PCED1B: variants seen among roughly 807,000 people sequenced by gnomAD.
PCED1B encodes the protein PC-esterase domain containing 1B.
For missense variants in PCED1B, 573 were observed against 573.9 expected (o/e 1.00, Z 0.02); for synonymous variants, 251 against 246.1 (o/e 1.02, Z -0.19).
intron 2 of PCED1B, among the ~76,000 whole-genome samples, chr12:47,169,715 C>G (rs1489324457): frequency 6.6e-6 from 1 of 151,936 alleles, no homozygotes; most frequent in South Asian, 2.1e-4. Flanking sequence ...TTTGGCCCAG[C>G]ATGGTGACTG....
chr12:47,126,607 A>G (rs1012124093), intron 2 of PCED1B, among the ~76,000 whole-genome samples: 2 of 152,174 alleles, frequency 1.3e-5, no homozygotes, highest in Non-Finnish European at 2.9e-5. Context: ...GGTCAGATTT[A>G]CCAAAGAAGC....
At chr12:47,233,350 C>T in intron 3 of PCED1B, among the ~76,000 whole-genome samples, 2 of 151,900 alleles carry the variant, frequency 1.3e-5, no homozygotes, top group Non-Finnish European at 2.9e-5. Flanking sequence ...ACCGTGGTAG[C>T]CAGAAAGGTC....
intron 1 of PCED1B, among the ~76,000 whole-genome samples, chr12:47,102,294 A>G (rs1179978574): frequency 6.6e-6 from 1 of 152,250 alleles, no homozygotes; most frequent in East Asian, 1.9e-4. Context: ...AAATGTAAAT[A>G]TATTTCAGAT....
Position 47,236,267 on chromosome 12 carries a change from A to T in PCED1B, c.1204A>T (p.Arg402Trp). The T allele has an allele frequency of 6.2e-7, 1 of 1,614,090 alleles. No individual in the cohort carries two copies. Among genetic ancestry groups the T allele is most frequent in the Non-Finnish European group, 8.5e-7 (1 of 1,180,006 alleles). ...PAPVVHRGFG[R>W]YRPRGPYTPW... ...CCCAGTGGTACATAGGGGTTTTGGC[A>T]GGTATCGTCCCCGTGGCCCCTATAC... Residue 402 changes from arginine (R) to tryptophan (W), a missense_variant, in exon 4 of 4, where the codon AGG (arginine) becomes TGG (tryptophan). Coordinates refer to ENST00000546455, the MANE Select transcript of PCED1B (RefSeq NM_138371.3).
chr12:47,198,832 T>G (rs1051736351), intron 2 of PCED1B, among the ~76,000 whole-genome samples: 1 of 151,846 alleles, frequency 6.6e-6, no homozygotes, highest in South Asian at 2.1e-4. Flanking sequence ...CAGACATGGT[T>G]GCACATGCCT....
chr12:47,112,021 C>A (rs1394020356), intron 2 of PCED1B, among the ~76,000 whole-genome samples: 5 of 152,124 alleles, frequency 3.3e-5, no homozygotes, highest in Non-Finnish European at 7.4e-5. Flanking sequence ...GAAAAGGCAG[C>A]CCACCTGACT....
At chr12:47,167,225 G>C (rs952899444) in intron 2 of PCED1B, among the ~76,000 whole-genome samples, 1 of 152,032 alleles carries the variant, frequency 6.6e-6, no homozygotes, top group African/African-American at 2.4e-5. Flanking sequence ...TGTTGGTCTC[G>C]ATGGCCTTTA....
At chr12:47,105,779 G>T (rs1367421055) in intron 2 of PCED1B, among the ~76,000 whole-genome samples, 1 of 152,100 alleles carries the variant, frequency 6.6e-6, no homozygotes, top group African/African-American at 2.4e-5. Context: ...GAAGGAAAAA[G>T]TTACAAGGAG....
intron 1 of PCED1B, among the ~76,000 whole-genome samples, chr12:47,103,870 C>T (rs912786554): frequency 2.0e-5 from 3 of 152,144 alleles, no homozygotes; most frequent in Non-Finnish European, 4.4e-5. Context: ...ATTTTTAGCA[C>T]GTTTATTTTC....
chr12:47,210,061 G>A (rs1264571770), intron 2 of PCED1B: 1 of 152,174 alleles, frequency 6.6e-6, no homozygotes, highest in African/African-American at 2.4e-5. Context: ...GGGGTAACCG[G>A]GTGGATATTG....
chr12:47,101,150 T>A (rs1185170793), intron 1 of PCED1B, among the ~76,000 whole-genome samples: 2 of 152,146 alleles, frequency 1.3e-5, no homozygotes, highest in Non-Finnish European at 2.9e-5. Flanking sequence ...CTTAAATATA[T>A]CACCTAGGAT....
chr12:47,093,026 C>T (rs1356371182), intron 1 of PCED1B, among the ~76,000 whole-genome samples: 1 of 151,846 alleles, frequency 6.6e-6, no homozygotes, highest in Non-Finnish European at 1.5e-5. Flanking sequence ...GAAAGCTCAC[C>T]TTCTCTTTCT....
intron 3 of PCED1B, among the ~76,000 whole-genome samples, chr12:47,231,117 T>A (rs1188654081): frequency 6.6e-6 from 1 of 152,176 alleles, no homozygotes; most frequent in African/African-American, 2.4e-5. Flanking sequence ...GAGGGGCCGA[T>A]GGATATCCTC....
intron 2 of PCED1B, among the ~76,000 whole-genome samples, chr12:47,197,384 A>G (rs2137688562): frequency 6.6e-6 from 1 of 151,702 alleles, no homozygotes; most frequent in East Asian, 1.9e-4. Context: ...AGGAAGGTGG[A>G]TCACCTGAGG....
intron 2 of PCED1B, among the ~76,000 whole-genome samples, chr12:47,170,063 C>G (rs1941675784): frequency 6.6e-6 from 1 of 151,964 alleles, no homozygotes; most frequent in Admixed American, 6.6e-5. Flanking sequence ...GCGTTTGTGT[C>G]CCTGGGTACT....
chr12:47,202,514 C>A (rs1942791709), intron 2 of PCED1B, among the ~76,000 whole-genome samples: 1 of 150,454 alleles, frequency 6.6e-6, no homozygotes, highest in Admixed American at 6.7e-5. Context: ...CTACCCACAG[C>A]CCCAGTTTGA....
At chr12:47,199,665 T>C (rs996755289) in intron 2 of PCED1B, among the ~76,000 whole-genome samples, 1 of 152,174 alleles carries the variant, frequency 6.6e-6, no homozygotes, top group Non-Finnish European at 1.5e-5. Flanking sequence ...GACATCCACA[T>C]GCAAAATAAG....
chr12:47,131,702 C>T (rs1437350774), intron 2 of PCED1B, among the ~76,000 whole-genome samples: 1 of 112,628 alleles, frequency 8.9e-6, no homozygotes, highest in Non-Finnish European at 1.6e-5. Flanking sequence ...AGGAGTCTCA[C>T]TCTGCTGCCA....
At chr12:47,197,560 A>G (rs1942644191) in intron 2 of PCED1B, among the ~76,000 whole-genome samples, 1 of 151,506 alleles carries the variant, frequency 6.6e-6, no homozygotes, top group East Asian at 1.9e-4. Flanking sequence ...GTGAGTCCAG[A>G]TCGCGCCATT....
Sources: allele counts gnomAD v4.1 joint callset (sites outside exome capture counted in the v4.1 genomes callset), GRCh38; gene constraint gnomAD v4.1.1; transcripts MANE v1.5; gene names NCBI Gene and HGNC (gene_info 2026-07-23, HGNC 2026-07-21).